CCDC93: variants seen among roughly 807,000 people sequenced by gnomAD.
CCDC93 encodes CCC complex scaffolding subunit CCDC93, also known as coiled-coil domain-containing protein 93.
Under a neutral mutation model 108.2 loss-of-function variants are expected in CCDC93, and 61 were observed. The observed-to-expected ratio is 0.56, with a 90% CI of 0.46 to 0.70. CCDC93 has a LOEUF of 0.70. CCDC93 is among the 30% of genes least tolerant of loss of function. CCDC93 has a pLI of 0.00. For missense variants in CCDC93, 685 were observed against 764.2 expected, an observed-to-expected ratio of 0.90 and a Z score of 1.22; for synonymous variants, 276 against 260.4, an observed-to-expected ratio of 1.06 and a Z score of -0.58.
At chr2:117,927,322 G>A (rs1315683880) in intron 23 of CCDC93, among the ~76,000 whole-genome samples, 1 of 152,116 alleles carries the variant, frequency 6.6e-6, no homozygotes, top group African/African-American at 2.4e-5. Context: ...AAAAGAAGAA[G>A]TCAAATTGTC....
At chr2:118,010,917 C>T (rs1031289227) in intron 1 of CCDC93, among the ~76,000 whole-genome samples, 1 of 152,202 alleles carries the variant, frequency 6.6e-6, no homozygotes, top group African/African-American at 2.4e-5. Flanking sequence ...CATTTCTGTA[C>T]ATATAACTAA....
intron 11 of CCDC93, among the ~76,000 whole-genome samples, chr2:117,967,414 G>T (rs1679622209): frequency 6.6e-6 from 1 of 152,200 alleles, no homozygotes; most frequent in Admixed American, 6.5e-5. Context: ...TAGGTTTATG[G>T]TGTGTGAGTG....
chr2:117,979,817 T>C (rs1680056620), intron 7 of CCDC93, among the ~76,000 whole-genome samples: 1 of 152,216 alleles, frequency 6.6e-6, no homozygotes, highest in African/African-American at 2.4e-5. Context: ...CATCTTCTAG[T>C]ACTGCTGAGG....
chr2:117,963,268 T>C (rs182557310), intron 11 of CCDC93, among the ~76,000 whole-genome samples: 88 of 151,930 alleles, frequency 5.8e-4, no homozygotes, highest in Non-Finnish European at 6.0e-4. Flanking sequence ...GCACACACCA[T>C]ATACATACAA....
intron 11 of CCDC93, among the ~76,000 whole-genome samples, chr2:117,967,543 AGC>A (rs1480698194): frequency 6.6e-6 from 1 of 152,252 alleles, no homozygotes; most frequent in Non-Finnish European, 1.5e-5. Flanking sequence ...AAGGAGGCAC[AGC>A]CACAGCCAAG....
chr2:117,950,633 C>T (rs1679021505), intron 13 of CCDC93: 1 of 985,316 alleles, frequency 1.0e-6, no homozygotes, highest in Non-Finnish European at 1.2e-6. Context: ...TGAAAGGGTT[C>T]AGAGCGCTCA....
At chr2:117,954,182 A>G (rs1408037917) in intron 12 of CCDC93, among the ~76,000 whole-genome samples, 2 of 152,156 alleles carry the variant, frequency 1.3e-5, no homozygotes, top group African/African-American at 2.4e-5. Context: ...CCACCTACTC[A>G]TCTGACATTT....
chr2:117,958,574 TG>T, intron 11 of CCDC93, 93 bp from the exon 12 acceptor site: 1 of 783,572 alleles, frequency 1.3e-6, no homozygotes. Context: ...AAAGCAGTAC[TG>T]GGCAGCCAGT....
chr2:117,945,461 C>T, intron 17 of CCDC93, 68 bp downstream of exon 17: 1 of 1,284,084 alleles, frequency 7.8e-7, no homozygotes, highest in Non-Finnish European at 1.1e-6. Context: ...GAAGCCATCA[C>T]AGGAGAGTGG....
At chr2:117,938,555 G>GAAAAAAAAAAAAAAA (rs36126432) in intron 20 of CCDC93, among the ~76,000 whole-genome samples, 1 of 138,226 alleles carries the variant, frequency 7.2e-6, no homozygotes, top group African/African-American at 2.7e-5. Context: ...AAAAAGACAA[G>GAAAAAAAAAAAAAAA]AAAAAAAAAA....
chr2:117,992,447 T>C (rs1318480828), intron 6 of CCDC93, among the ~76,000 whole-genome samples: 1 of 152,144 alleles, frequency 6.6e-6, no homozygotes, highest in Non-Finnish European at 1.5e-5. Flanking sequence ...TTTCACCATA[T>C]TGGCCAGGCT....
At chr2:117,961,673 T>C (rs1220366767) in intron 11 of CCDC93, among the ~76,000 whole-genome samples, 1 of 152,202 alleles carries the variant, frequency 6.6e-6, no homozygotes, top group Non-Finnish European at 1.5e-5. Context: ...AGGTCTCATC[T>C]AATGGTTCAT....
chr2:117,964,795 G>T (rs1395049086), intron 11 of CCDC93, among the ~76,000 whole-genome samples: 1 of 152,102 alleles, frequency 6.6e-6, no homozygotes, highest in Non-Finnish European at 1.5e-5. Context: ...AGAGATAGGG[G>T]TCTCACCATG....
chr2:117,987,322 G>C (rs1165616795), intron 6 of CCDC93, among the ~76,000 whole-genome samples: 1 of 152,126 alleles, frequency 6.6e-6, no homozygotes, highest in Non-Finnish European at 1.5e-5. Flanking sequence ...CTAGCCCTAG[G>C]TAACCTGGTT....
intron 20 of CCDC93, 66 bp downstream of exon 20, chr2:117,938,962 AT>A (rs1458958274): frequency 1.2e-6 from 1 of 830,278 alleles, no homozygotes; most frequent in African/African-American, 1.7e-5. Flanking sequence ...CATCAAGTTC[AT>A]TTGACTTCCT....
In CCDC93 at chr2:117,944,543, T is replaced by C. The variant is rs1022079947; in HGVS notation, c.1351-457A>G. Among the ~76,000 whole-genome samples the C allele has an allele frequency of 7.2e-5, 11 of 152,178 alleles. 1 individual carries two copies. The highest frequency in any genetic ancestry group is 1.9e-4 in the African/African-American group (8 of 41,428). ...ATTTCTATCACTGCAAAAAGTTCTT[T>C]TGGACAGCATTGATATAGAAAATAG... On this transcript the variant is annotated intron_variant, in intron 17 of 23. Transcript: ENST00000376300.
intron 11 of CCDC93, among the ~76,000 whole-genome samples, chr2:117,963,530 AC>A (rs1679459328): frequency 1.3e-5 from 2 of 152,168 alleles, no homozygotes; most frequent in South Asian, 4.1e-4. Flanking sequence ...GAAACTCAAT[AC>A]ATGAATGCTC....
In CCDC93 at chr2:117,920,398, TG is replaced by T; in HGVS notation, c.1843-3del. 1 of 1,611,502 alleles carries T rather than the reference TG, an allele frequency of 6.2e-7. No homozygotes were observed. Among genetic ancestry groups the T allele is most frequent in the Non-Finnish European group, 8.5e-7 (1 of 1,177,918 alleles). ...CAGCATCTCGTTCTTGCGGCCCTCC[TG>T]GAGGGAAAGCAGAGAGTATAGAGAG... On this transcript the variant is annotated splice_polypyrimidine_tract_variant and splice_region_variant and intron_variant, in intron 23 of 23. Coordinates refer to ENST00000376300, the MANE Select transcript of CCDC93 (RefSeq NM_019044.5).
intron 23 of CCDC93, among the ~76,000 whole-genome samples, chr2:117,926,724 A>G (rs1207689231): frequency 1.3e-5 from 2 of 152,228 alleles, no homozygotes; most frequent in Non-Finnish European, 2.9e-5. Flanking sequence ...TTCTGAAACT[A>G]TTCCAATCAA....
Sources: allele counts gnomAD v4.1 joint callset (sites outside exome capture counted in the v4.1 genomes callset), GRCh38; gene constraint gnomAD v4.1.1; transcripts MANE v1.5; gene names NCBI Gene and HGNC (gene_info 2026-07-23, HGNC 2026-07-21).